TSPAN5: variants seen among roughly 807,000 people sequenced by gnomAD.
The protein encoded by TSPAN5 is tetraspanin-5.
A neutral mutation model predicts 37.1 loss-of-function variants in TSPAN5; 10 were observed. That is an observed-to-expected ratio of 0.27 (90% confidence interval 0.17 to 0.46). The LOEUF is 0.46. Ranked by LOEUF, TSPAN5 falls within the 20% of genes least tolerant of loss-of-function variation. The pLI is 1.00. For synonymous variants in TSPAN5, 110 were observed against 118.9 expected (o/e 0.93, Z 0.48); for missense variants, 195 against 326.6 (o/e 0.60, Z 3.11).
At chr4:98,503,091 C>G (rs1295514442) in intron 2 of TSPAN5, among the ~76,000 whole-genome samples, 2 of 151,906 alleles carry the variant, frequency 1.3e-5, no homozygotes, top group Admixed American at 1.3e-4. Context: ...GTGATCTCAG[C>G]AGGTGGACAG....
At chr4:98,587,581 C>A (rs930084859) in intron 1 of TSPAN5, among the ~76,000 whole-genome samples, 1 of 152,148 alleles carries the variant, frequency 6.6e-6, no homozygotes, top group Non-Finnish European at 1.5e-5. Flanking sequence ...CAAGGCACAT[C>A]GCCATCTCCA....
chr4:98,627,321 A>C (rs1346421298), intron 1 of TSPAN5, among the ~76,000 whole-genome samples: 1 of 152,170 alleles, frequency 6.6e-6, no homozygotes, highest in African/African-American at 2.4e-5. Flanking sequence ...ATAACTGGAG[A>C]AAACTGAAGG....
intron 1 of TSPAN5, among the ~76,000 whole-genome samples, chr4:98,629,507 C>T (rs1174735208): frequency 6.6e-6 from 1 of 152,224 alleles, no homozygotes; most frequent in Non-Finnish European, 1.5e-5. Flanking sequence ...ACATTCTCAT[C>T]TCTGCTCTGG....
chr4:98,473,133 A>G (rs1276051361), intron 7 of TSPAN5, among the ~76,000 whole-genome samples: 2 of 152,218 alleles, frequency 1.3e-5, no homozygotes, highest in Non-Finnish European at 2.9e-5. Flanking sequence ...TAATTCTGCT[A>G]TGAACATGAG....
intron 2 of TSPAN5, among the ~76,000 whole-genome samples, chr4:98,505,230 TA>T (rs887952181): frequency 6.6e-6 from 1 of 151,094 alleles, no homozygotes; most frequent in South Asian, 2.1e-4. Context: ...AGAGTGATCT[TA>T]AAAAAAAAGT....
At chr4:98,637,754 T>C (rs1361259436) in intron 1 of TSPAN5, among the ~76,000 whole-genome samples, 1 of 152,222 alleles carries the variant, frequency 6.6e-6, no homozygotes, top group Non-Finnish European at 1.5e-5. Flanking sequence ...TTTCATTAAC[T>C]GCATAACTTA....
At chr4:98,486,666 T>C in intron 3 of TSPAN5, 72 bp downstream of exon 3, 3 of 1,572,284 alleles carry the variant, frequency 1.9e-6, no homozygotes, top group Non-Finnish European at 1.8e-6. Flanking sequence ...GTCTTGCCTG[T>C]AGATAGGGTG....
At chr4:98,519,404 G>A (rs1414808448) in intron 1 of TSPAN5, among the ~76,000 whole-genome samples, 2 of 152,088 alleles carry the variant, frequency 1.3e-5, no homozygotes, top group Non-Finnish European at 2.9e-5. Flanking sequence ...GAGGCTGAGT[G>A]GGAGGATCGC....
At chr4:98,536,775 G>C (rs1754244917) in intron 1 of TSPAN5, among the ~76,000 whole-genome samples, 1 of 152,240 alleles carries the variant, frequency 6.6e-6, no homozygotes, top group African/African-American at 2.4e-5. Flanking sequence ...GAACTTCCCA[G>C]TGCCTTTGTT....
At chr4:98,478,149 A>G (rs937529947) in intron 5 of TSPAN5, among the ~76,000 whole-genome samples, 1 of 152,180 alleles carries the variant, frequency 6.6e-6, no homozygotes, top group Non-Finnish European at 1.5e-5. Flanking sequence ...CTTCCTACAC[A>G]GCAGTCCAGG....
chr4:98,623,030 C>T (rs932637686), intron 1 of TSPAN5, among the ~76,000 whole-genome samples: 1 of 152,094 alleles, frequency 6.6e-6, no homozygotes, highest in African/African-American at 2.4e-5. Flanking sequence ...AGGATAAACA[C>T]CATTTTACTT....
At chr4:98,606,445 G>C (rs913363362) in intron 1 of TSPAN5, among the ~76,000 whole-genome samples, 2 of 152,158 alleles carry the variant, frequency 1.3e-5, no homozygotes, top group Non-Finnish European at 2.9e-5. Flanking sequence ...CACACTACAT[G>C]CTATTTCTGG....
At chr4:98,566,497 C>A (rs1217715568) in intron 1 of TSPAN5, among the ~76,000 whole-genome samples, 1 of 152,098 alleles carries the variant, frequency 6.6e-6, no homozygotes, top group Non-Finnish European at 1.5e-5. Flanking sequence ...AGGCTAGAGC[C>A]AAAACATGTG....
intron 1 of TSPAN5, among the ~76,000 whole-genome samples, chr4:98,539,573 T>C (rs548574706): frequency 1.3e-5 from 2 of 152,316 alleles, no homozygotes; most frequent in East Asian, 3.9e-4. Context: ...CCTTTAGATT[T>C]TTTTTTTCCT....
chr4:98,501,090 C>T lies in TSPAN5; in HGVS notation c.132+6588G>A, dbSNP rs147480008. Among the ~76,000 whole-genome samples, 58 of 152,176 alleles carry T rather than the reference C, an allele frequency of 3.8e-4. No homozygotes were observed. In the East Asian group the frequency reaches 0.01, roughly 27 times the overall value. ...TAATAAGCATAAGAGTTGAGCAAAA[C>T]GGAAAAGGAATGGCATCCCTAATTT... On this transcript the variant is annotated intron_variant, in intron 2 of 7. Coordinates refer to ENST00000305798, the MANE Select transcript of TSPAN5 (RefSeq NM_005723.4).
intron 1 of TSPAN5, among the ~76,000 whole-genome samples, chr4:98,572,436 C>A (rs1001440803): frequency 2.0e-5 from 3 of 152,240 alleles, no homozygotes; most frequent in Non-Finnish European, 2.9e-5. Context: ...TGTGTACCAG[C>A]ACTGTTCTAG....
intron 1 of TSPAN5, among the ~76,000 whole-genome samples, chr4:98,588,151 G>A (rs561826289): frequency 2.6e-5 from 4 of 152,170 alleles, no homozygotes; most frequent in Admixed American, 2.0e-4. Flanking sequence ...TTGTAAAAGT[G>A]GTTGTGTCTC....
chr4:98,610,561 G>A (rs1756157835), intron 1 of TSPAN5, among the ~76,000 whole-genome samples: 1 of 152,182 alleles, frequency 6.6e-6, no homozygotes, highest in African/African-American at 2.4e-5. Flanking sequence ...CCATCTTACA[G>A]GTACCTTCAA....
intron 1 of TSPAN5, among the ~76,000 whole-genome samples, chr4:98,625,129 A>G (rs1382756413): frequency 6.6e-6 from 1 of 152,226 alleles, no homozygotes; most frequent in Admixed American, 6.5e-5. Context: ...ATTCTGTAAG[A>G]GCCCTATGGG....
Sources: allele counts gnomAD v4.1 joint callset (sites outside exome capture counted in the v4.1 genomes callset), GRCh38; gene constraint gnomAD v4.1.1; transcripts MANE v1.5; gene names NCBI Gene and HGNC (gene_info 2026-07-23, HGNC 2026-07-21).